SGCZ: variants seen among roughly 807,000 people sequenced by gnomAD.
SGCZ encodes the protein zeta-sarcoglycan.
A neutral mutation model predicts 41.3 loss-of-function variants in SGCZ; 40 were observed. The ratio of observed to expected loss-of-function variants is 0.97; its 90% CI spans 0.75 to 1.26. The LOEUF (loss-of-function observed/expected upper bound fraction) is 1.26, where lower values mean the gene tolerates loss of function less well. Among genes scored for constraint, SGCZ ranks in the 50% most tolerant of loss-of-function variants. SGCZ has a pLI of 0.00. For synonymous variants in SGCZ, 206 were observed against 137.5 expected (o/e 1.50, Z -3.49); for missense variants, 552 against 369.8 (o/e 1.49, Z -4.04).
intron 5 of SGCZ, among the ~76,000 whole-genome samples, chr8:14,145,559 C>A (rs1268666095): frequency 2.6e-5 from 4 of 152,108 alleles, no homozygotes; most frequent in African/African-American, 9.7e-5. Flanking sequence ...TCAACACTAT[C>A]CAGGAAAACA....
At chr8:14,634,190 A>G (rs4831624) in intron 1 of SGCZ, among the ~76,000 whole-genome samples, 50,589 of 151,744 alleles carry the variant, frequency 0.33, 8,744 homozygotes, top group East Asian at 0.63. Flanking sequence ...TCCAATTTTT[A>G]TCAATTTGAC....
intron 1 of SGCZ, among the ~76,000 whole-genome samples, chr8:14,757,845 G>C (rs529253359): frequency 1.3e-5 from 2 of 152,202 alleles, no homozygotes; most frequent in South Asian, 4.1e-4. Context: ...CAAGTGAATG[G>C]TAACTATAAA....
chr8:14,769,562 C>A (rs1331727821), intron 1 of SGCZ, among the ~76,000 whole-genome samples: 2 of 152,148 alleles, frequency 1.3e-5, no homozygotes, highest in East Asian at 3.9e-4. Context: ...GAAGCTGAGG[C>A]AGGTGGATCA....
At chr8:14,327,217 G>A (rs1247498384) in intron 2 of SGCZ, among the ~76,000 whole-genome samples, 1 of 152,196 alleles carries the variant, frequency 6.6e-6, no homozygotes, top group Non-Finnish European at 1.5e-5. Flanking sequence ...AGATCTTGAA[G>A]TTCAGAGCAT....
intron 1 of SGCZ, among the ~76,000 whole-genome samples, chr8:14,814,045 A>G (rs1563288023): frequency 6.6e-6 from 1 of 152,212 alleles, no homozygotes; most frequent in Non-Finnish European, 1.5e-5. Flanking sequence ...CTAGCACAGT[A>G]TGCAGCACTT....
chr8:14,123,573 C>T (rs10888080), intron 5 of SGCZ, among the ~76,000 whole-genome samples: 150,060 of 152,302 alleles, frequency 0.99, 73,956 homozygotes, highest in East Asian at 1. Flanking sequence ...GACCTATATA[C>T]TCCATCTTCT....
chr8:15,178,444 G>A (rs934492467), intron 1 of SGCZ, among the ~76,000 whole-genome samples: 5 of 152,008 alleles, frequency 3.3e-5, no homozygotes, highest in South Asian at 2.1e-4. Flanking sequence ...ATATTAAGAG[G>A]ACATATTTTC....
intron 1 of SGCZ, among the ~76,000 whole-genome samples, chr8:15,000,431 A>G (rs1425368711): frequency 4.6e-5 from 7 of 152,208 alleles, no homozygotes; most frequent in Non-Finnish European, 1.0e-4. Flanking sequence ...CGAGTCCTAC[A>G]TAAGGCCTTC....
chr8:14,164,221 T>G (rs1804136138), intron 5 of SGCZ, among the ~76,000 whole-genome samples: 1 of 152,180 alleles, frequency 6.6e-6, no homozygotes, highest in Non-Finnish European at 1.5e-5. Flanking sequence ...AAAATTTCCA[T>G]TTTAGTTCCT....
intron 1 of SGCZ, among the ~76,000 whole-genome samples, chr8:14,754,377 T>C (rs763628702): frequency 1.3e-5 from 2 of 152,192 alleles, no homozygotes; most frequent in Non-Finnish European, 2.9e-5. Context: ...TTCTTTTCCA[T>C]AGTAGATACT....
chr8:14,370,116 T>C lies in SGCZ; in HGVS notation c.235-45912A>G, dbSNP rs1361084792. 2.6e-5 allele frequency among the ~76,000 whole-genome samples: 4 copies of C among 151,910 alleles called. No homozygotes were observed. In the East Asian group the frequency reaches 7.7e-4, roughly 29 times the overall value. On this transcript the variant is annotated intron_variant, in intron 2 of 7. Coordinates refer to ENST00000382080, the MANE Select transcript of SGCZ (RefSeq NM_139167.4). ...AGTGGTAAGATGAAGGGGTAAGATG[T>C]AGGGGAGGATATGAGGTGACTAGTT...
At chr8:14,598,427 G>A (rs1805483099) in intron 1 of SGCZ, among the ~76,000 whole-genome samples, 1 of 151,712 alleles carries the variant, frequency 6.6e-6, no homozygotes, top group African/African-American at 2.4e-5. Context: ...ATGTTTTCAG[G>A]AAAAATTTTG....
chr8:14,764,289 T>C (rs1050674796), intron 1 of SGCZ, among the ~76,000 whole-genome samples: 6 of 152,296 alleles, frequency 3.9e-5, no homozygotes, highest in Admixed American at 6.5e-5. Flanking sequence ...AAAACCCTAA[T>C]AGATTGATGC....
chr8:14,502,157 TATTTTTC>T (rs1802174120), intron 2 of SGCZ, among the ~76,000 whole-genome samples: 1 of 152,118 alleles, frequency 6.6e-6, no homozygotes, highest in Non-Finnish European at 1.5e-5. Flanking sequence ...CATTAAGAAT[TATTTTTC>T]ATGATGGATC....
At chr8:14,548,948 T>C (rs1803715026) in intron 2 of SGCZ, among the ~76,000 whole-genome samples, 1 of 152,098 alleles carries the variant, frequency 6.6e-6, no homozygotes, top group African/African-American at 2.4e-5. Flanking sequence ...GCTGGAAGTC[T>C]TGAAACACAG....
chr8:14,094,097 A>C (rs559305164), intron 7 of SGCZ, among the ~76,000 whole-genome samples: 1 of 152,028 alleles, frequency 6.6e-6, no homozygotes, highest in Non-Finnish European at 1.5e-5. Flanking sequence ...TTTCTCTTCC[A>C]TATACCATTC....
intron 1 of SGCZ, among the ~76,000 whole-genome samples, chr8:14,740,077 C>T (rs544934731): frequency 6.6e-6 from 1 of 152,028 alleles, no homozygotes; most frequent in South Asian, 2.1e-4. Flanking sequence ...AAACGTGAAG[C>T]ATATAATAAT....
chr8:15,090,536 T>C (rs1425894093), intron 1 of SGCZ, among the ~76,000 whole-genome samples: 4 of 152,170 alleles, frequency 2.6e-5, no homozygotes, highest in Non-Finnish European at 4.4e-5. Context: ...TCCCTACTTC[T>C]AGAAACGCAA....
At chr8:14,660,870 T>C (rs1807725690) in intron 1 of SGCZ, among the ~76,000 whole-genome samples, 1 of 152,124 alleles carries the variant, frequency 6.6e-6, no homozygotes, top group Admixed American at 6.5e-5. Context: ...AACTGGAAAC[T>C]GAACTTTTAT....
Sources: gnomAD v4.1 joint callset for allele counts (sites outside exome capture counted in the v4.1 genomes callset) on GRCh38, gnomAD v4.1.1 for gene constraint, MANE v1.5 for transcripts, NCBI Gene and HGNC (gene_info 2026-07-23, HGNC 2026-07-21) for gene names.